Variants in COPG1 observed in about 807,000 individuals in gnomAD.
The protein encoded by COPG1 is coatomer subunit gamma-1.
Under a neutral mutation model 102.8 loss-of-function variants are expected in COPG1, and 29 were observed. That is an observed-to-expected ratio of 0.28 (90% CI 0.21 to 0.38). The LOEUF (loss-of-function observed/expected upper bound fraction) is 0.38. COPG1 is among the 10% of genes least tolerant of loss of function. The pLI, the probability that COPG1 is intolerant of heterozygous loss-of-function variation, is 1.00. For synonymous variants in COPG1, 406 were observed against 421.6 expected, an observed-to-expected ratio of 0.96 and a Z score of 0.45; for missense variants, 875 against 1,132.7, an observed-to-expected ratio of 0.77 and a Z score of 3.27.
chr3:129,253,349 T>G (rs1416455208), intron 5 of COPG1, among the ~76,000 whole-genome samples: 4 of 152,206 alleles, frequency 2.6e-5, no homozygotes, highest in Non-Finnish European at 5.9e-5. Context: ...GTGTAATCAC[T>G]GCCCTTAAGA....
chr3:129,258,905 G>C lies in COPG1; in HGVS notation c.871+1045G>C, dbSNP rs376170693. On this transcript the variant is annotated intron_variant, in intron 10 of 23. Coordinates refer to ENST00000314797, the MANE Select transcript of COPG1 (RefSeq NM_016128.4). The stretch of plus-strand genomic sequence containing the variant: ...GGTGCAAAGTGGTTGGTACTGGAAA[G>C]TGGATATGTTGAGAGGCTAGAAAAG... 5.9e-5 allele frequency among the ~76,000 whole-genome samples: 9 copies of C among 152,322 alleles called. No homozygotes were observed. In the East Asian group the frequency reaches 1.2e-3, roughly 20 times the overall value.
rs1250878164 is a variant in COPG1 at position 129,275,689 on chromosome 3, TTTTTC to T, written c.2494+402_2494+406del. ...GTCAATATGTAGAGCTTCCTCATTC[TTTTTC>T]TTTTAATTGTGGTAAAATATACATA... On this transcript the variant is annotated intron_variant, in intron 23 of 23. Transcript: ENST00000314797. The surrounding 1 kb of genome is among the most constrained non-coding windows in gnomAD (Gnocchi z 5.0). 1.3e-5 allele frequency among the ~76,000 whole-genome samples: 2 copies of T among 152,240 alleles called. No homozygotes were observed. The highest frequency in any genetic ancestry group is 1.9e-4 in the East Asian group (1 of 5,204).
rs149844735 is a variant in COPG1 at position 129,263,957 on chromosome 3, C to T, written c.1182C>T (p.His394=). The change falls in exon 13 of 24, where the codon CAC becomes CAT. Residue 394 remains histidine, a synonymous_variant. Coordinates refer to ENST00000314797, the MANE Select transcript of COPG1 (RefSeq NM_016128.4). ...TGTGTCAGAAATATCCTCGCAAACA[C>T]GCCGTCCTTATGAACTTCCTGTTCA... ...SALCQKYPRK[H]AVLMNFLFTM... 16 of 1,614,190 alleles carry T rather than the reference C, an allele frequency of 9.9e-6. No homozygotes were observed. The highest frequency in any genetic ancestry group is 8.8e-5 in the South Asian group (8 of 91,082).
rs751208236 is a variant in COPG1, at chr3:129,267,033, G to C, written c.1478G>C (p.Ser493Thr). The C allele has an allele frequency of 1.1e-5, 17 of 1,613,606 alleles. No homozygotes were observed. In the Admixed American group the frequency reaches 2.8e-4, roughly 27 times the overall value. Residue 493 changes from serine (S) to threonine (T), a missense_variant, in exon 15 of 24, where the codon AGT (serine) becomes ACT (threonine). Physicochemically the swap from Ser to Thr is moderately conservative, Grantham distance 58. Coordinates refer to ENST00000314797, the MANE Select transcript of COPG1 (RefSeq NM_016128.4). Reference sequence around the variant, plus strand: ...CGCTTCCTAAACACAGGTGCTGTGAGTGCTCTGGCGAAGTTTGGAGCCCAG... The same window carrying C: ...CGCTTCCTAAACACAGGTGCTGTGACTGCTCTGGCGAAGTTTGGAGCCCAG... The part of the protein sequence containing the change: ...EHEEVRAGAV[S>T]ALAKFGAQNE...
At chr3:129,250,656 A>G (rs1454527873) in intron 1 of COPG1, 26 bp from the exon 2 acceptor site, 1 of 1,606,834 alleles carries the variant, frequency 6.2e-7, no homozygotes, top group African/African-American at 1.3e-5. Context: ...GTCACAACCT[A>G]CCTTCTCCAT....
Position 129,256,063 on chromosome 3 carries a change from CACAGCACCTGCTG to C in COPG1, c.493-3_502del. 6.2e-7 allele frequency: 1 copy of C among 1,613,306 alleles called. No individual in the cohort carries two copies. Reference sequence around the variant, plus strand: ...CTGCCCCTTAATGTGTCCTGTTGCCCACAGCACCTGCTGAAGTGCAGCTTTGACGTGGTCAAGC... The same window carrying C: ...CTGCCCCTTAATGTGTCCTGTTGCCCAAGTGCAGCTTTGACGTGGTCAAGC... On this transcript the variant is annotated splice_acceptor_variant and splice_polypyrimidine_tract_variant and coding_sequence_variant and intron_variant, in exon 8 of 24. Transcript: ENST00000314797. LOFTEE classifies it high-confidence loss of function.
intron 7 of COPG1, 142 bp downstream of exon 7, chr3:129,255,219 C>T: frequency 1.6e-6 from 1 of 616,798 alleles, no homozygotes; most frequent in East Asian, 2.9e-5. Context: ...CACTCTGTCA[C>T]CCAGGCTAGA....
At chr3:129,268,292 TCA>T (rs1372465561) in intron 16 of COPG1, among the ~76,000 whole-genome samples, 1 of 152,226 alleles carries the variant, frequency 6.6e-6, no homozygotes, top group Non-Finnish European at 1.5e-5. Context: ...CCTTTACAAG[TCA>T]CTTTGTATAT....
chr3:129,260,188 G>A (rs1939896738), intron 10 of COPG1, 145 bp from the exon 11 acceptor site: 5 of 724,458 alleles, frequency 6.9e-6, no homozygotes, highest in Non-Finnish European at 1.2e-5. Context: ...CGCAGGGTGA[G>A]GGGAGCTCTG....
Position 129,271,974 on chromosome 3 carries a change from G to A in COPG1, c.1986+65G>A. On this transcript the variant is annotated intron_variant, in intron 19 of 23. Coordinates refer to ENST00000314797, the MANE Select transcript of COPG1 (RefSeq NM_016128.4). The surrounding 1 kb of genome is among the most constrained non-coding windows in gnomAD (Gnocchi z 4.7). Reference sequence around the variant, plus strand: ...CAGGGAGTTGTCCCAGGTCTGGCAGGTCCTGTAGGGTCATGGGTCCCCACA... The same window carrying A: ...CAGGGAGTTGTCCCAGGTCTGGCAGATCCTGTAGGGTCATGGGTCCCCACA... 1 of 1,556,056 alleles carries A rather than the reference G, an allele frequency of 6.4e-7. No homozygotes were observed.
chr3:129,254,332 G>A, intron 5 of COPG1: 1 of 233,408 alleles, frequency 4.3e-6, no homozygotes, highest in Non-Finnish European at 8.4e-6. Flanking sequence ...GAGGTGAGGG[G>A]TGAGGAATGC....
rs778283780 is a variant in COPG1 at position 129,260,356 on chromosome 3, C to T, written c.895C>T (p.Pro299Ser). The T allele has an allele frequency of 3.7e-6, 6 of 1,614,146 alleles. No individual in the cohort carries two copies. The highest frequency in any genetic ancestry group is 5.1e-6 in the Non-Finnish European group (6 of 1,180,006). The change falls in exon 11 of 24, where the codon CCC becomes TCC. Residue 299 changes from proline to serine, a missense_variant. Transcript: ENST00000314797. ...AGTGCTCCAGCTTTTCTGCAGCTCA[C>T]CCAAGGCTGCTCTCCGCTATGCTGC... ...VSVLQLFCSSPKAALRYAAVR... is the reference protein window; with the variant it reads ...VSVLQLFCSSSKAALRYAAVR...
Position 129,268,600 on chromosome 3 carries a change from C to A in COPG1, c.1754C>A (p.Pro585His). The A allele has an allele frequency of 6.2e-7, 1 of 1,614,212 alleles. No individual in the cohort carries two copies. The highest frequency in any genetic ancestry group is 8.5e-7 in the Non-Finnish European group (1 of 1,180,034). ...AAGTCTGTGCCCCTGGCCACGGCGC[C>A]CATGGCAGAGCAGAGAACAGGTAAC... Reference protein sequence around the residue: ...DLKSVPLATAPMAEQRTESTP... With the variant: ...DLKSVPLATAHMAEQRTESTP... Residue 585 changes from proline to histidine, a missense_variant, in exon 17 of 24, where the codon CCC (proline) becomes CAC (histidine). By Grantham distance (77) the Pro-to-His change is moderately conservative (BLOSUM62 -2). Coordinates refer to ENST00000314797, the MANE Select transcript of COPG1 (RefSeq NM_016128.4).
rs1389863090 is a variant in COPG1 at position 129,275,555 on chromosome 3, T to TA, written c.2494+265dup. ...GCGGTTATTTTATGGCTATAAAAGC[T>TA]AATAGGAACGCATTTCCTTTTTTTA... is the stretch of plus-strand genomic sequence containing the variant. On this transcript the variant is annotated intron_variant, in intron 23 of 23. Coordinates refer to ENST00000314797, the MANE Select transcript of COPG1 (RefSeq NM_016128.4). This position sits in a 1 kb window ranked among gnomAD's most constrained non-coding sequence, Gnocchi z 5.0. Among the ~76,000 whole-genome samples the TA allele has an allele frequency of 6.6e-6, 1 of 152,248 alleles. No homozygotes were observed. Among genetic ancestry groups the TA allele is most frequent in the African/African-American group, 2.4e-5 (1 of 41,468 alleles).
intron 2 of COPG1, among the ~76,000 whole-genome samples, chr3:129,251,363 T>C (rs1311794971): frequency 7.5e-6 from 1 of 133,468 alleles, no homozygotes; most frequent in Non-Finnish European, 1.5e-5. Context: ...TTTTATTATA[T>C]ATATTTTTTA....
At chr3:129,273,362 G>A (rs982045318) in intron 21 of COPG1, among the ~76,000 whole-genome samples, 4 of 152,212 alleles carry the variant, frequency 2.6e-5, no homozygotes, top group Admixed American at 6.5e-5. Flanking sequence ...ACATGTTCAT[G>A]TGTAAAAAGA....
At chr3:129,266,613 C>T (rs939947803) in intron 14 of COPG1, among the ~76,000 whole-genome samples, 1 of 152,152 alleles carries the variant, frequency 6.6e-6, no homozygotes, top group Non-Finnish European at 1.5e-5. Flanking sequence ...TTTCTTCTTT[C>T]AGCAATAAAT....
Position 129,256,064 on chromosome 3 carries a change from A to C in COPG1, c.493-4A>C, listed in dbSNP as rs751076012. 34 of 1,613,444 alleles carry C rather than the reference A, an allele frequency of 2.1e-5. No homozygotes were observed. Among genetic ancestry groups the C allele is most frequent in the Middle Eastern group, 3.3e-4 (2 of 6,028 alleles). ...TGCCCCTTAATGTGTCCTGTTGCCC[A>C]CAGCACCTGCTGAAGTGCAGCTTTG... On this transcript the variant is annotated splice_region_variant and splice_polypyrimidine_tract_variant and intron_variant, in intron 7 of 23. Coordinates refer to ENST00000314797, the MANE Select transcript of COPG1 (RefSeq NM_016128.4).
Position 129,265,568 on chromosome 3 carries a change from G to A in COPG1, c.1244G>A (p.Arg415His), listed in dbSNP as rs139673651. 3.2e-5 allele frequency: 51 copies of A among 1,614,160 alleles called. No homozygotes were observed. The highest frequency in any genetic ancestry group is 6.7e-5 in the African/African-American group (5 of 75,034). ...LREEGGFEYK[R>H]AIVDCIISII... ...CTGCAGGGTGGCTTTGAGTATAAGCGCGCTATCGTGGACTGCATCATCAGC... is the reference window on the plus strand; with the variant it reads ...CTGCAGGGTGGCTTTGAGTATAAGCACGCTATCGTGGACTGCATCATCAGC... The change falls in exon 14 of 24, where the codon CGC becomes CAC. Residue 415 changes from arginine to histidine, a missense_variant. Transcript: ENST00000314797.
Sources: allele counts gnomAD v4.1 joint callset (sites outside exome capture counted in the v4.1 genomes callset), GRCh38; gene constraint gnomAD v4.1.1; non-coding constraint Gnocchi (gnomAD v3.1); transcripts MANE v1.5; gene names NCBI Gene and HGNC (gene_info 2026-07-23, HGNC 2026-07-21).